TMEM8B: variants seen among roughly 807,000 people sequenced by gnomAD.
The protein encoded by TMEM8B is nasopharyngeal carcinoma expressed 6.
TMEM8B carries 29 observed loss-of-function variants against 49.3 expected under a neutral mutation model. That is an observed-to-expected ratio of 0.59 (90% CI 0.44 to 0.80). The LOEUF (loss-of-function observed/expected upper bound fraction) is 0.80, where lower values mean the gene tolerates loss of function less well. TMEM8B is among the 30% of genes least tolerant of loss of function. TMEM8B has a pLI of 0.00. For synonymous variants in TMEM8B, 264 were observed against 272.8 expected, an observed-to-expected ratio of 0.97 and a Z score of 0.32; for missense variants, 575 against 658.5, an observed-to-expected ratio of 0.87 and a Z score of 1.39.
intron 6 of TMEM8B, among the ~76,000 whole-genome samples, chr9:35,843,854 G>A (rs571921047): frequency 2.1e-4 from 32 of 150,950 alleles, no homozygotes; most frequent in Non-Finnish European, 4.1e-4. Context: ...CCTCCACTTC[G>A]CAGGTTCAAG....
chr9:35,829,700 C>G lies in TMEM8B; in HGVS notation c.253C>G (p.Arg85Gly), dbSNP rs1190002903. 1 of 404,928 alleles carries G rather than the reference C, an allele frequency of 2.5e-6. No individual in the cohort carries two copies. Among genetic ancestry groups the G allele is most frequent in the Admixed American group, 4.4e-5 (1 of 22,742 alleles). 25.1% of individuals were successfully genotyped at this position (404,928 alleles called of 1,614,324 possible). A position where few individuals can be genotyped will look rare whatever the true frequency, so the allele number is the denominator to read the frequency against. Residue 85 changes from arginine to glycine, a missense_variant, in exon 1 of 13, where the codon CGT (arginine) becomes GGT (glycine). Arg to Gly is a moderately radical substitution (Grantham distance 125, BLOSUM62 -2). Coordinates refer to ENST00000643932, the MANE Select transcript of TMEM8B (RefSeq NM_001042590.4). ...QCLLKALAQP[R>G]PLLQSPSQPF... Reference sequence around the variant, plus strand: ...TTTGCTTAAGGCCCTGGCTCAACCCCGTCCCTTGCTGCAGTCCCCATCACA... The same window carrying G: ...TTTGCTTAAGGCCCTGGCTCAACCCGGTCCCTTGCTGCAGTCCCCATCACA...
intron 1 of TMEM8B, chr9:35,833,190 C>T (rs983330579): frequency 1.7e-5 from 6 of 363,318 alleles, no homozygotes; most frequent in Non-Finnish European, 2.3e-5. Context: ...GTTAATCTCT[C>T]CCATCTCCAG....
Position 35,854,034 on chromosome 9 carries a change from C to T in TMEM8B, c.*194C>T, listed in dbSNP as rs770712640. 1 of 1,316,380 alleles carries T rather than the reference C, an allele frequency of 7.6e-7. No individual in the cohort carries two copies. The highest frequency in any genetic ancestry group is 9.6e-7 in the Non-Finnish European group (1 of 1,038,264). The allele number at this position is 1,316,380 out of a possible 1,614,324, so 81.5% of individuals were successfully genotyped here. A position where few individuals can be genotyped will look rare whatever the true frequency, so the allele number is the denominator to read the frequency against. On this transcript the variant is annotated 3_prime_UTR_variant, in exon 13 of 13. Coordinates refer to ENST00000643932, the MANE Select transcript of TMEM8B (RefSeq NM_001042590.4). ...AACTTCCTGAGGGCCTGGAGTCCCC[C>T]TGCATCATGGAGTCCTTCTTAAGGA...
chr9:35,842,628 C>T lies in TMEM8B; in HGVS notation c.1546C>T (p.Pro516Ser). 1 of 1,614,206 alleles carries T rather than the reference C, an allele frequency of 6.2e-7. No homozygotes were observed. The highest frequency in any genetic ancestry group is 8.5e-7 in the Non-Finnish European group (1 of 1,180,024). The part of the protein sequence containing the change: ...YIFFGPSVAL[P>S]PERPAVFAMR... ...CTTCTTTGGCCCAAGTGTGGCCCTT[C>T]CCCCTGAGCGCCCAGCCGTGTTCGC... is the stretch of plus-strand genomic sequence containing the variant. Residue 516 changes from proline (P) to serine (S), a missense_variant, in exon 6 of 13, where the codon CCC (proline) becomes TCC (serine). By Grantham distance (74) the Pro-to-Ser change is moderately conservative. Transcript: ENST00000643932. This position sits in a 1 kb window ranked among gnomAD's most constrained non-coding sequence, Gnocchi z 5.6.
In TMEM8B at chr9:35,845,707, G is replaced by T. The variant is rs117489294; in HGVS notation, c.1636-268G>T. On this transcript the variant is annotated intron_variant, in intron 6 of 12. Transcript: ENST00000643932. The stretch of plus-strand genomic sequence containing the variant: ...GAGGGTGTTCTCTCTTGCTTGGACA[G>T]AATTGAAACACTTCTGCCCAAAGAA... 5.9e-3 allele frequency: 5,857 copies of T among 985,436 alleles called. 17 individuals carry two copies. The highest frequency in any genetic ancestry group is 9.4e-3 in the Middle Eastern group (18 of 1,914). The allele number at this position is 985,436 out of a possible 1,614,324, so 61.0% of individuals were successfully genotyped here. A position where few individuals can be genotyped will look rare whatever the true frequency, so the allele number is the denominator to read the frequency against.
At position 35,859,147 on chromosome 9, in the gene TMEM8B, G is replaced by C. The variant is rs1237132337; in HGVS notation, c.*5307G>C. On this transcript the variant is annotated 3_prime_UTR_variant, in exon 13 of 13. Transcript: ENST00000643932. ...CTGTAAATGATGGGGTTCAGCGAGG[G>C]CGTCACAACCCCGTAGAACAATGCG... The C allele has an allele frequency of 6.4e-6, 1 of 155,648 alleles. No individual in the cohort carries two copies. The highest frequency in any genetic ancestry group is 1.4e-5 in the Non-Finnish European group (1 of 69,404). 9.6% of individuals were successfully genotyped at this position (155,648 alleles called of 1,614,324 possible). A position where few individuals can be genotyped will look rare whatever the true frequency, so the allele number is the denominator to read the frequency against.
intron 10 of TMEM8B, among the ~76,000 whole-genome samples, chr9:35,848,718 A>G (rs1487220970): frequency 2.2e-5 from 3 of 133,490 alleles, no homozygotes; most frequent in Admixed American, 1.8e-4. Context: ...TGTGTTGCCC[A>G]GGCTGGAGTG....
chr9:35,837,501 G>T (rs1215861083), intron 3 of TMEM8B, among the ~76,000 whole-genome samples: 1 of 152,126 alleles, frequency 6.6e-6, no homozygotes, highest in Non-Finnish European at 1.5e-5. Context: ...CTCAGTGTGG[G>T]CTGGTGTTGG....
chr9:35,857,800 G>A lies in TMEM8B; in HGVS notation c.*3960G>A, dbSNP rs903267815. Reference sequence around the variant, plus strand: ...TGGTGTTGGGCCTGAAGCTGTTACAGCTCAGCTGGGCCAGCAGTTAGGAAA... The same window carrying A: ...TGGTGTTGGGCCTGAAGCTGTTACAACTCAGCTGGGCCAGCAGTTAGGAAA... On this transcript the variant is annotated 3_prime_UTR_variant, in exon 13 of 13. Transcript: ENST00000643932. The A allele has an allele frequency of 2.0e-5, 3 of 152,254 alleles. No individual in the cohort carries two copies. The highest frequency in any genetic ancestry group is 7.2e-5 in the African/African-American group (3 of 41,460). The allele number at this position is 152,254 out of a possible 1,614,324, so 9.4% of individuals were successfully genotyped here. A position where few individuals can be genotyped will look rare whatever the true frequency, so the allele number is the denominator to read the frequency against.
chr9:35,831,279 C>G (rs555592951), intron 1 of TMEM8B, among the ~76,000 whole-genome samples: 1 of 152,050 alleles, frequency 6.6e-6, no homozygotes, highest in Admixed American at 6.6e-5. Context: ...ATCTTCTGAG[C>G]GCCTGTGTTA....
chr9:35,853,588 T>A lies in TMEM8B; in HGVS notation c.2523T>A (p.Ile841=), dbSNP rs1219368861. Residue 841 remains isoleucine, a synonymous_variant, in exon 13 of 13, where the codon ATT becomes ATA. Transcript: ENST00000643932. The surrounding 1 kb of genome is among the most constrained non-coding windows in gnomAD (Gnocchi z 4.2). ...TCTACTTGTGCCCTGGCAGCCTTAT[T>A]GCAGGCAGTGCCGTCCTGCTTTATG... The part of the protein sequence containing the change: ...WLFYLCPGSL[I]AGSAVLLYAF... 1 of 1,614,228 alleles carries A rather than the reference T, an allele frequency of 6.2e-7. No individual in the cohort carries two copies. Among genetic ancestry groups the A allele is most frequent in the South Asian group, 1.1e-5 (1 of 91,088 alleles).
Position 35,842,647 on chromosome 9 carries a change from T to G in TMEM8B, c.1565T>G (p.Val522Gly). The part of the protein sequence containing the change: ...SVALPPERPA[V>G]FAMRLLPVLD... ...GCCCTTCCCCCTGAGCGCCCAGCCG[T>G]GTTCGCCATGAGGCTGTTGCCAGTG... The change falls in exon 6 of 13, where the codon GTG (valine) becomes GGG (glycine). Residue 522 changes from valine to glycine, a missense_variant. Val to Gly is a moderately radical substitution (Grantham distance 109, BLOSUM62 -3). Coordinates refer to ENST00000643932, the MANE Select transcript of TMEM8B (RefSeq NM_001042590.4). The surrounding 1 kb of genome is among the most constrained non-coding windows in gnomAD (Gnocchi z 5.6). The G allele has an allele frequency of 6.2e-7, 1 of 1,614,214 alleles. No homozygotes were observed. Among genetic ancestry groups the G allele is most frequent in the South Asian group, 1.1e-5 (1 of 91,088 alleles).
intron 10 of TMEM8B, among the ~76,000 whole-genome samples, chr9:35,848,822 A>C (rs997321003): frequency 3.3e-5 from 5 of 151,766 alleles, no homozygotes; most frequent in African/African-American, 4.8e-5. Flanking sequence ...CTACAGGCGC[A>C]TGCCACCACA....
At position 35,852,931 on chromosome 9, in the gene TMEM8B, C is replaced by T. The variant is rs1832283537; in HGVS notation, c.2280C>T (p.Val760=). ...DFLGSLMSVW[V]TVIAMARLQP... ...TGGGCTCCTTAATGTCCGTGTGGGTCACTGTCATTGCCATGGCTCGTTTAC... is the reference window on the plus strand; with the variant it reads ...TGGGCTCCTTAATGTCCGTGTGGGTTACTGTCATTGCCATGGCTCGTTTAC... Residue 760 remains valine (V), a synonymous_variant, in exon 11 of 13, where the codon GTC becomes GTT. Transcript: ENST00000643932. 2 of 1,614,200 alleles carry T rather than the reference C, an allele frequency of 1.2e-6. No individual in the cohort carries two copies. The highest frequency in any genetic ancestry group is 2.7e-5 in the African/African-American group (2 of 75,054).
At chr9:35,832,756 G>A (rs1004230941) in intron 1 of TMEM8B, among the ~76,000 whole-genome samples, 2 of 152,146 alleles carry the variant, frequency 1.3e-5, no homozygotes, top group African/African-American at 4.8e-5. Context: ...AGCAGAAGGT[G>A]CGCTAGAGTT....
At position 35,846,557 on chromosome 9, in the gene TMEM8B, T is replaced by G. The variant is rs1383267228; in HGVS notation, c.1942T>G (p.Cys648Gly). 6.4e-7 allele frequency: 1 copy of G among 1,572,810 alleles called. No individual in the cohort carries two copies. The highest frequency in any genetic ancestry group is 8.6e-7 in the Non-Finnish European group (1 of 1,159,084). ...GGACGACTGCGGGCCCTACGGCCAGTGCAAGCTGCTGCGCACACACAATTA... is the reference window on the plus strand; with the variant it reads ...GGACGACTGCGGGCCCTACGGCCAGGGCAAGCTGCTGCGCACACACAATTA... ...CVDDCGPYGQ[C>G]KLLRTHNYLY... The change falls in exon 9 of 13, where the codon TGC becomes GGC. Residue 648 changes from cysteine to glycine, a missense_variant. By Grantham distance (159) the Cys-to-Gly change is radical. Transcript: ENST00000643932.
At chr9:35,835,746 A>G (rs1263202513) in intron 3 of TMEM8B, among the ~76,000 whole-genome samples, 1 of 152,218 alleles carries the variant, frequency 6.6e-6, no homozygotes, top group Non-Finnish European at 1.5e-5. Flanking sequence ...CTTTCCTGCT[A>G]AAAGGAGGCT....
Position 35,857,969 on chromosome 9 carries a change from A to G in TMEM8B, c.*4129A>G, listed in dbSNP as rs1832580637. 1 of 152,244 alleles carries G rather than the reference A, an allele frequency of 6.6e-6. No individual in the cohort carries two copies. The highest frequency in any genetic ancestry group is 2.1e-4 in the South Asian group (1 of 4,818). 9.4% of individuals were successfully genotyped at this position (152,244 alleles called of 1,614,324 possible). On this transcript the variant is annotated 3_prime_UTR_variant, in exon 13 of 13. Coordinates refer to ENST00000643932, the MANE Select transcript of TMEM8B (RefSeq NM_001042590.4). ...CTGTCACCTTTGCCATGGAGCTTGCACTTGGCCCAGCACTCAGCACAGTGG... is the reference window on the plus strand; with the variant it reads ...CTGTCACCTTTGCCATGGAGCTTGCGCTTGGCCCAGCACTCAGCACAGTGG...
Position 35,846,957 on chromosome 9 carries a change from G to GA in TMEM8B, c.2139dup (p.Ala714SerfsTer18). ...GGCCATTCGGAGTCGATATGTGCTG[G>GA]AAGCTGCAGTCTACACCTTCACCAT... On this transcript the variant is annotated frameshift_variant, in exon 10 of 13. Transcript: ENST00000643932. LOFTEE classifies it high-confidence loss of function. 1 of 1,614,216 alleles carries GA rather than the reference G, an allele frequency of 6.2e-7. No homozygotes were observed. Among genetic ancestry groups the GA allele is most frequent in the Non-Finnish European group, 8.5e-7 (1 of 1,180,036 alleles).
Sources: allele counts gnomAD v4.1 joint callset (sites outside exome capture counted in the v4.1 genomes callset), GRCh38; gene constraint gnomAD v4.1.1; non-coding constraint Gnocchi (gnomAD v3.1); transcripts MANE v1.5; gene names NCBI Gene and HGNC (gene_info 2026-07-23, HGNC 2026-07-21).